UBR4: variants seen among roughly 807,000 people sequenced by gnomAD.
UBR4 encodes the protein ubiquitin protein ligase E3 component n-recognin 4.
UBR4 carries 124 observed loss-of-function variants against 575.6 expected under a neutral mutation model. The observed-to-expected ratio is 0.22, with a 90% confidence interval of 0.19 to 0.25. The LOEUF is 0.25. Ranked by LOEUF, UBR4 falls within the 10% of genes least tolerant of loss-of-function variation. The pLI is 1.00. For synonymous variants in UBR4, 2,455 were observed against 2,473.7 expected (o/e 0.99, Z 0.22); for missense variants, 4,818 against 6,478.8 (o/e 0.74, Z 8.80).
intron 101 of UBR4, among the ~76,000 whole-genome samples, chr1:19,085,558 C>T (rs943005847): frequency 1.1e-4 from 16 of 152,190 alleles, no homozygotes; most frequent in African/African-American, 3.6e-4. Flanking sequence ...TTTCAACATG[C>T]TCTCCATTGT....
At chr1:19,142,492 G>C (rs1257105089) in intron 55 of UBR4, among the ~76,000 whole-genome samples, 1 of 152,222 alleles carries the variant, frequency 6.6e-6, no homozygotes, top group Non-Finnish European at 1.5e-5. Context: ...CTAGGGAAAA[G>C]AGCCACAAAC....
In UBR4 at chr1:19,087,798, T is replaced by C. The variant is rs2077163962; in HGVS notation, c.14544+18A>G. On this transcript the variant is annotated intron_variant, in intron 99 of 105. Coordinates refer to ENST00000375254, the MANE Select transcript of UBR4 (RefSeq NM_020765.3). ...CAGGCTGGGCCCTCAGGACCGACCGTAGGCCCAGCAGCTGTACCTGGAACT... is the reference window on the plus strand; with the variant it reads ...CAGGCTGGGCCCTCAGGACCGACCGCAGGCCCAGCAGCTGTACCTGGAACT... 1 of 1,597,382 alleles carries C rather than the reference T, an allele frequency of 6.3e-7. No homozygotes were observed. The highest frequency in any genetic ancestry group is 1.3e-5 in the African/African-American group (1 of 74,674).
In UBR4 at chr1:19,171,169, T is replaced by C. The variant is rs147207874; in HGVS notation, c.3522-286A>G. On this transcript the variant is annotated intron_variant, in intron 25 of 105. Transcript: ENST00000375254. ...CTTCCCCACCTCAGAAGATTGACAA[T>C]GTATACAGTAAAGGCTCTGAATACT... 2.4e-4 allele frequency among the ~76,000 whole-genome samples: 36 copies of C among 152,250 alleles called. No homozygotes were observed. The East Asian group carries it at 6.2e-3, about 26-fold the overall frequency.
rs766076387 is a variant in UBR4, at chr1:19,157,867, G to A, written c.5708C>T (p.Ser1903Phe). Residue 1903 changes from serine to phenylalanine, a missense_variant, in exon 40 of 106, where the codon TCC becomes TTC. By Grantham distance (155) the Ser-to-Phe change is radical. This residue lies in a region of UBR4 where 461 missense variants were observed against 606.9 expected (regional missense o/e 0.76). Coordinates refer to ENST00000375254, the MANE Select transcript of UBR4 (RefSeq NM_020765.3). This position sits in a 1 kb window ranked among gnomAD's most constrained non-coding sequence, Gnocchi z 4.4. Reference sequence around the variant, plus strand: ...ATGTTGGCGGCGCCCATGGGGAGAGGAGAGCACACACATAGCCACCCGCCT... The same window carrying A: ...ATGTTGGCGGCGCCCATGGGGAGAGAAGAGCACACACATAGCCACCCGCCT... ...VLRRVAMCVLSSPHGRRQHLA... is the reference protein window; with the variant it reads ...VLRRVAMCVLFSPHGRRQHLA... 7 of 1,614,222 alleles carry A rather than the reference G, an allele frequency of 4.3e-6. No individual in the cohort carries two copies. In the South Asian group the frequency reaches 6.6e-5, roughly 15 times the overall value.
intron 65 of UBR4, 132 bp from the exon 66 acceptor site, chr1:19,123,192 C>T: frequency 3.1e-6 from 3 of 955,586 alleles, no homozygotes; most frequent in Admixed American, 4.6e-5. Flanking sequence ...TGGCTCACAG[C>T]TGTAATCCCA....
Position 19,117,202 on chromosome 1 carries a change from A to T in UBR4, c.10823+19T>A, listed in dbSNP as rs780983338. On this transcript the variant is annotated intron_variant, in intron 73 of 105. Transcript: ENST00000375254. The surrounding 1 kb of genome is among the most constrained non-coding windows in gnomAD (Gnocchi z 4.0). ...GCCTTACAACCTGCTGCCCCTCCCG[A>T]GGCCTAAAAAGCCCGTACTTGTTTT... is the stretch of plus-strand genomic sequence containing the variant. The T allele has an allele frequency of 6.2e-7, 1 of 1,608,648 alleles. No homozygotes were observed. Among genetic ancestry groups the T allele is most frequent in the Admixed American group, 1.7e-5 (1 of 59,952 alleles).
chr1:19,192,310 G>C lies in UBR4; in HGVS notation c.1272C>G (p.Leu424=). ...CCTTATCAGCCAACGCAGTAGGACT[G>C]AGGTTCAGTATGAGGAAAAGGCTGT... ...LLNSLFLILN[L]SPTALADKGK... is the part of the protein sequence containing the mutation. Residue 424 remains leucine, a synonymous_variant, in exon 11 of 106, where the codon CTC becomes CTG. Transcript: ENST00000375254. 1 of 1,614,148 alleles carries C rather than the reference G, an allele frequency of 6.2e-7. No homozygotes were observed. Among genetic ancestry groups the C allele is most frequent in the Non-Finnish European group, 8.5e-7 (1 of 1,180,016 alleles).
intron 20 of UBR4, 33 bp from the exon 21 acceptor site, chr1:19,175,066 T>G: frequency 6.4e-7 from 1 of 1,560,148 alleles, no homozygotes; most frequent in Non-Finnish European, 8.8e-7. Flanking sequence ...AAAGAATGGT[T>G]CCATTCTTAA....
intron 53 of UBR4, 46 bp from the exon 54 acceptor site, chr1:19,144,953 C>T: frequency 6.2e-7 from 1 of 1,610,138 alleles, no homozygotes; most frequent in South Asian, 1.1e-5. Context: ...GGAAAAAACT[C>T]TAACTACTTG....
At chr1:19,113,503 G>T in intron 77 of UBR4, 196 bp downstream of exon 77, 1 of 757,870 alleles carries the variant, frequency 1.3e-6, no homozygotes, top group Non-Finnish European at 2.1e-6. Flanking sequence ...CATGAACTCA[G>T]CATTCTGACC....
chr1:19,131,277 A>G (rs2082421281), intron 60 of UBR4, among the ~76,000 whole-genome samples: 1 of 148,856 alleles, frequency 6.7e-6, no homozygotes, highest in Admixed American at 6.7e-5. Flanking sequence ...AAATAAACAC[A>G]GCACCAAAAA....
At chr1:19,170,631 C>A (rs2089371900) in intron 26 of UBR4, 131 bp downstream of exon 26, 2 of 1,256,028 alleles carry the variant, frequency 1.6e-6, no homozygotes, top group Non-Finnish European at 2.2e-6. Context: ...GACAAACCTA[C>A]CTAAATGCTT....
intron 60 of UBR4, among the ~76,000 whole-genome samples, chr1:19,137,219 G>A (rs1433904764): frequency 6.6e-6 from 1 of 151,756 alleles, no homozygotes; most frequent in African/African-American, 2.4e-5. Flanking sequence ...AGAATCACCT[G>A]AGCCTGGGAG....
intron 60 of UBR4, among the ~76,000 whole-genome samples, chr1:19,132,087 A>C (rs572226542): frequency 1.3e-5 from 2 of 152,210 alleles, no homozygotes; most frequent in Non-Finnish European, 2.9e-5. Context: ...ATACAGCATT[A>C]TCAAAACACA....
In UBR4 at chr1:19,081,376, C is replaced by G; in HGVS notation, c.15206G>C (p.Arg5069Pro). The G allele has an allele frequency of 6.2e-7, 1 of 1,609,162 alleles. No homozygotes were observed. The highest frequency in any genetic ancestry group is 8.5e-7 in the Non-Finnish European group (1 of 1,177,162). ...LRRLLVTSQA[R>P]AVAPGGATRL... is the part of the protein sequence containing the mutation. ...GGTGGCTCCACCTGGAGCCACTGCC[C>G]GAGCCTGCGAGGTCACCAACAGCCT... is the stretch of plus-strand genomic sequence containing the variant. The change falls in exon 103 of 106, where the codon CGG becomes CCG. Residue 5069 changes from arginine (R) to proline (P), a missense_variant. By Grantham distance (103) the Arg-to-Pro change is moderately radical. Around this residue, in one of 29 missense-constraint regions of UBR4, gnomAD observed 212 missense variants for 221.3 expected, o/e 0.96. Transcript: ENST00000375254.
chr1:19,120,135 G>A (rs2081014046), intron 69 of UBR4, 45 bp downstream of exon 69: 2 of 1,601,684 alleles, frequency 1.2e-6, no homozygotes, highest in Admixed American at 3.4e-5. Flanking sequence ...TACGCACCCT[G>A]GCCTCACACC....
chr1:19,172,531 T>TTAA (rs2089723497), intron 25 of UBR4, among the ~76,000 whole-genome samples: 1 of 152,058 alleles, frequency 6.6e-6, no homozygotes, highest in Non-Finnish European at 1.5e-5. Context: ...AAAAATTTTT[T>TTAA]TAATAATAAT....
chr1:19,109,040 G>C (rs2079544370), intron 81 of UBR4, among the ~76,000 whole-genome samples: 1 of 152,230 alleles, frequency 6.6e-6, no homozygotes, highest in Non-Finnish European at 1.5e-5. Flanking sequence ...GAAGGAAGCA[G>C]AGTGCCCCGT....
At position 19,192,287 on chromosome 1, in the gene UBR4, T is replaced by C. The variant is rs1423004797; in HGVS notation, c.1295A>G (p.Lys432Arg). The change falls in exon 11 of 106, where the codon AAG (lysine) becomes AGG (arginine). Residue 432 changes from lysine (K) to arginine (R), a missense_variant. Coordinates refer to ENST00000375254, the MANE Select transcript of UBR4 (RefSeq NM_020765.3). ...AGCCAGTGGGTCCTTCTCTTTCCCCTTATCAGCCAACGCAGTAGGACTGAG... is the reference window on the plus strand; with the variant it reads ...AGCCAGTGGGTCCTTCTCTTTCCCCCTATCAGCCAACGCAGTAGGACTGAG... ...LNLSPTALAD[K>R]GKEKDPLAAL... 5.0e-6 allele frequency: 8 copies of C among 1,614,056 alleles called. No individual in the cohort carries two copies. The highest frequency in any genetic ancestry group is 6.8e-6 in the Non-Finnish European group (8 of 1,180,026).
Sources: gnomAD v4.1 joint callset for allele counts (sites outside exome capture counted in the v4.1 genomes callset) on GRCh38, gnomAD v4.1.1 for gene constraint, gnomAD v4.1.1 regional missense constraint, Gnocchi (gnomAD v3.1) non-coding constraint, MANE v1.5 for transcripts, NCBI Gene and HGNC (gene_info 2026-07-23, HGNC 2026-07-21) for gene names.